Variants in GTF2H5 observed in about 807,000 individuals in gnomAD.
GTF2H5 encodes the protein general transcription factor IIH subunit 5.
GTF2H5 carries 5 observed loss-of-function variants against 7.1 expected under a neutral mutation model. That is an observed-to-expected ratio of 0.71 (90% CI 0.37 to 1.49). The LOEUF (loss-of-function observed/expected upper bound fraction) is 1.49. Among genes scored for constraint, GTF2H5 ranks in the 40% most tolerant of loss-of-function variants. GTF2H5 has a pLI of 0.03. For missense variants in GTF2H5, 80 were observed against 83.0 expected, an observed-to-expected ratio of 0.96 and a Z score of 0.14; for synonymous variants, 30 against 31.7, an observed-to-expected ratio of 0.95 and a Z score of 0.18.
At chr6:158,171,166 G>A (rs1297581849) in intron 2 of GTF2H5, among the ~76,000 whole-genome samples, 1 of 152,174 alleles carries the variant, frequency 6.6e-6, no homozygotes, top group East Asian at 1.9e-4. Context: ...ATTTAGAACA[G>A]CACTAGCCAA....
intron 2 of GTF2H5, 44 bp downstream of exon 2, chr6:158,170,582 A>T: frequency 2.3e-6 from 3 of 1,307,390 alleles, no homozygotes; most frequent in Non-Finnish European, 3.3e-6. Flanking sequence ...TTAAATATTG[A>T]ATCTTGACTT....
At position 158,198,952 on chromosome 6, in the gene GTF2H5, C is replaced by T. The variant is rs868426564; in HGVS notation, c.*6795C>T. ...TTTGCTTTGGGGAGAATTCTTTTGACGTTTTTGAATAAGCTGTTAACAACT... is the reference window on the plus strand; with the variant it reads ...TTTGCTTTGGGGAGAATTCTTTTGATGTTTTTGAATAAGCTGTTAACAACT... On this transcript the variant is annotated 3_prime_UTR_variant, in exon 3 of 3. Transcript: ENST00000607778. The T allele has an allele frequency of 5.9e-5, 9 of 152,148 alleles. No individual in the cohort carries two copies. Among genetic ancestry groups the T allele is most frequent in the Non-Finnish European group, 1.0e-4 (7 of 68,030 alleles). 9.4% of individuals were successfully genotyped at this position (152,148 alleles called of 1,614,324 possible). A position where few individuals can be genotyped will look rare whatever the true frequency, so the allele number is the denominator to read the frequency against.
At chr6:158,175,534 C>T (rs541328407) in intron 2 of GTF2H5, among the ~76,000 whole-genome samples, 4 of 152,274 alleles carry the variant, frequency 2.6e-5, no homozygotes, top group South Asian at 2.1e-4. Context: ...GAGGCTGAGG[C>T]GGGTGGATGG....
At chr6:158,178,958 C>G (rs1785969897) in intron 2 of GTF2H5, among the ~76,000 whole-genome samples, 1 of 152,212 alleles carries the variant, frequency 6.6e-6, no homozygotes, top group Non-Finnish European at 1.5e-5. Context: ...AGGTTTTCTT[C>G]TAGGATTTTT....
In GTF2H5 at chr6:158,192,523, T is replaced by C; in HGVS notation, c.*366T>C. On this transcript the variant is annotated 3_prime_UTR_variant, in exon 3 of 3. Coordinates refer to ENST00000607778, the MANE Select transcript of GTF2H5 (RefSeq NM_207118.3). ...CGTGGATGTGATTGTTTGGTTTCAG[T>C]TAGAAACGTCATAGATTTGCTGTTT... 3.6e-6 allele frequency: 1 copy of C among 274,810 alleles called. No homozygotes were observed. The highest frequency in any genetic ancestry group is 4.0e-5 in the South Asian group (1 of 25,096). The allele number at this position is 274,810 out of a possible 1,614,324, so 17.0% of individuals were successfully genotyped here.
At chr6:158,184,677 A>G (rs1776883006) in intron 2 of GTF2H5, among the ~76,000 whole-genome samples, 1 of 152,206 alleles carries the variant, frequency 6.6e-6, no homozygotes, top group Non-Finnish European at 1.5e-5. Context: ...TACTCCCAGG[A>G]TATATGGAAT....
In GTF2H5 at chr6:158,197,235, CA is replaced by C; in HGVS notation, c.*5081del. On this transcript the variant is annotated 3_prime_UTR_variant, in exon 3 of 3. Coordinates refer to ENST00000607778, the MANE Select transcript of GTF2H5 (RefSeq NM_207118.3). ...TACAACAAGAATTTAACATGGCAGCCAAACCAACCCACTAACACACATTTAA... is the reference window on the plus strand; with the variant it reads ...TACAACAAGAATTTAACATGGCAGCCAACCAACCCACTAACACACATTTAA... 6.0e-6 allele frequency: 1 copy of C among 167,528 alleles called. No homozygotes were observed. 10.4% of individuals were successfully genotyped at this position (167,528 alleles called of 1,614,324 possible).
intron 2 of GTF2H5, among the ~76,000 whole-genome samples, chr6:158,187,692 C>A (rs973421415): frequency 4.6e-5 from 7 of 152,000 alleles, no homozygotes; most frequent in Non-Finnish European, 8.8e-5. Context: ...CTCAGCCTCC[C>A]GAGTAGCTGG....
intron 2 of GTF2H5, among the ~76,000 whole-genome samples, chr6:158,185,645 T>C (rs1776906885): frequency 6.6e-6 from 1 of 152,098 alleles, no homozygotes; most frequent in African/African-American, 2.4e-5. Context: ...AGTTAGCATA[T>C]TTCCCCAAGT....
Position 158,196,338 on chromosome 6 carries a change from A to G in GTF2H5, c.*4181A>G, listed in dbSNP as rs927433193. On this transcript the variant is annotated 3_prime_UTR_variant, in exon 3 of 3. Transcript: ENST00000607778. Reference sequence around the variant, plus strand: ...ATTGAATCTAGATTCCTTGAGTCCAAGTGTCAGATCTCTGCTTACTAGCTC... The same window carrying G: ...ATTGAATCTAGATTCCTTGAGTCCAGGTGTCAGATCTCTGCTTACTAGCTC... The G allele has an allele frequency of 3.3e-5, 5 of 152,148 alleles. No homozygotes were observed. Among genetic ancestry groups the G allele is most frequent in the African/African-American group, 1.2e-4 (5 of 41,430 alleles). The allele number at this position is 152,148 out of a possible 1,614,324, so 9.4% of individuals were successfully genotyped here.
At chr6:158,174,594 C>T (rs1205587351) in intron 2 of GTF2H5, among the ~76,000 whole-genome samples, 2 of 152,186 alleles carry the variant, frequency 1.3e-5, no homozygotes, top group African/African-American at 4.8e-5. Context: ...TTGCCAGGCT[C>T]ACACTAAGTA....
chr6:158,173,170 T>C (rs1224544902), intron 2 of GTF2H5, among the ~76,000 whole-genome samples: 1 of 152,224 alleles, frequency 6.6e-6, no homozygotes, highest in Non-Finnish European at 1.5e-5. Flanking sequence ...AGTTTAATAA[T>C]GTTTCCCTGT....
At chr6:158,170,635 G>A (rs2128428809) in intron 2 of GTF2H5, 97 bp downstream of exon 2, 1 of 903,818 alleles carries the variant, frequency 1.1e-6, no homozygotes, top group Non-Finnish European at 1.8e-6. Context: ...TTAAGATATG[G>A]ATGAAATCAA....
In GTF2H5 at chr6:158,193,177, T is replaced by C. The variant is rs1777056253; in HGVS notation, c.*1020T>C. 8.4e-6 allele frequency: 1 copy of C among 119,108 alleles called. No homozygotes were observed. The highest frequency in any genetic ancestry group is 2.5e-4 in the South Asian group (1 of 4,016). The allele number at this position is 119,108 out of a possible 1,614,324, so 7.4% of individuals were successfully genotyped here. ...AAAAAAAAATACAAAAATCTGCCTG[T>C]TGTCCCAGCCACTGGGGAGGCTGAG... On this transcript the variant is annotated 3_prime_UTR_variant, in exon 3 of 3. Transcript: ENST00000607778.
intron 2 of GTF2H5, among the ~76,000 whole-genome samples, chr6:158,186,869 T>C (rs1278711483): frequency 2.0e-5 from 3 of 152,186 alleles, no homozygotes; most frequent in Non-Finnish European, 2.9e-5. Context: ...CTGGAATCAA[T>C]AGAAAGGAAT....
Position 158,168,401 on chromosome 6 carries a change from T to G in GTF2H5, c.-35+6T>G, listed in dbSNP as rs878853085. ...TTCTGCATCTGTGGGCCGAGGTGTG[T>G]GGCGAGCGTCCGAGCGGCTGGGGAA... On this transcript the variant is annotated splice_donor_region_variant and intron_variant, in intron 1 of 2. Transcript: ENST00000607778. 1.3e-5 allele frequency: 2 copies of G among 152,386 alleles called. No homozygotes were observed. Among genetic ancestry groups the G allele is most frequent in the African/African-American group, 4.8e-5 (2 of 41,448 alleles). 9.4% of individuals were successfully genotyped at this position (152,386 alleles called of 1,614,324 possible).
chr6:158,169,572 G>T (rs887901280), intron 1 of GTF2H5, among the ~76,000 whole-genome samples: 6 of 58,190 alleles, frequency 1.0e-4, no homozygotes, highest in Admixed American at 3.3e-4. Context: ...ATAATATATT[G>T]TATATTATAT....
chr6:158,182,483 T>C (rs981601071), intron 2 of GTF2H5, among the ~76,000 whole-genome samples: 1 of 152,204 alleles, frequency 6.6e-6, no homozygotes, highest in African/African-American at 2.4e-5. Flanking sequence ...CCAACTTGGC[T>C]CCATTCTCCT....
chr6:158,169,636 TACATATATTGTATATTAC>T lies in GTF2H5; in HGVS notation c.-34-832_-34-815del, dbSNP rs1329913769. Among the ~76,000 whole-genome samples the T allele has an allele frequency of 2.8e-3, 133 of 47,898 alleles. 13 individuals are homozygous for T. Among genetic ancestry groups the T allele is most frequent in the African/African-American group, 0.019 (122 of 6,442 alleles). 31.4% of individuals were successfully genotyped at this position (47,898 alleles called of 152,430 possible). On this transcript the variant is annotated intron_variant, in intron 1 of 2. Coordinates refer to ENST00000607778, the MANE Select transcript of GTF2H5 (RefSeq NM_207118.3). ...ATATTACATATAATATATTGTATATTACATATATTGTATATTACATATAATATATTGTATATTATATAA... is the reference window on the plus strand; with the variant it reads ...ATATTACATATAATATATTGTATATTATATAATATATTGTATATTATATAA...
Sources: allele counts gnomAD v4.1 joint callset (sites outside exome capture counted in the v4.1 genomes callset), GRCh38; gene constraint gnomAD v4.1.1; transcripts MANE v1.5; gene names NCBI Gene and HGNC (gene_info 2026-07-23, HGNC 2026-07-21).